The following ZNF582 variants were observed in gnomAD, a reference collection of about 807,000 sequenced individuals.
The protein encoded by ZNF582 is zinc finger protein 582.
In ZNF582, 14 loss-of-function variants were observed where a neutral mutation model predicts 12.3. The ratio of observed to expected loss-of-function variants is 1.14; its 90% CI spans 0.75 to 1.78. ZNF582 has a LOEUF of 1.78. ZNF582 is among the 40% of genes most tolerant of loss of function. The pLI is 0.00. For missense variants in ZNF582, 567 were observed against 616.5 expected, an observed-to-expected ratio of 0.92 and a Z score of 0.85; for synonymous variants, 210 against 207.2, an observed-to-expected ratio of 1.01 and a Z score of -0.11.
chr19:56,383,770 A>G lies in ZNF582; in HGVS notation c.*93T>C, dbSNP rs1359932192. 2.2e-6 allele frequency: 3 copies of G among 1,394,502 alleles called. No homozygotes were observed. The East Asian group carries it at 7.4e-5, about 34-fold the overall frequency. The allele number at this position is 1,394,502 out of a possible 1,614,324, so 86.4% of individuals were successfully genotyped here. ...TGATATGAATTTTCAGACTTAGGATAAAGGCTTACCTCTGAATGAAGGCAT... is the reference window on the plus strand; with the variant it reads ...TGATATGAATTTTCAGACTTAGGATGAAGGCTTACCTCTGAATGAAGGCAT... On this transcript the variant is annotated 3_prime_UTR_variant, in exon 5 of 5. Coordinates refer to ENST00000586929, the Ensembl canonical transcript of ZNF582.
At chr19:56,389,913 G>T in intron 4 of ZNF582, 88 bp downstream of exon 4, 1 of 1,044,312 alleles carries the variant, frequency 9.6e-7, no homozygotes, top group Non-Finnish European at 1.5e-6. Flanking sequence ...GTAGCAACCT[G>T]CAGGGAAGAT....
At chr19:56,387,665 A>G (rs1049275212) in intron 4 of ZNF582, 12 of 152,160 alleles carry the variant, frequency 7.9e-5, no homozygotes, top group Admixed American at 3.9e-4. Context: ...AGGCACAATC[A>G]TATTATACTA....
At position 56,390,505 on chromosome 19, in the gene ZNF582, G is replaced by C; in HGVS notation, c.10-4C>G. 6.2e-7 allele frequency: 1 copy of C among 1,614,038 alleles called. No homozygotes were observed. Among genetic ancestry groups the C allele is most frequent in the Non-Finnish European group, 8.5e-7 (1 of 1,180,022 alleles). The stretch of plus-strand genomic sequence containing the variant: ...CATCCCTGAACAATTCTGACCCCTG[G>C]AATGACAGGCATGTATGATATATAT... On this transcript the variant is annotated splice_polypyrimidine_tract_variant and splice_region_variant and intron_variant, in intron 2 of 4. Coordinates refer to ENST00000586929, the Ensembl canonical transcript of ZNF582.
At chr19:56,393,136 A>C (rs1178556400) in intron 1 of ZNF582, 84 bp downstream of exon 1, 1 of 1,078,454 alleles carries the variant, frequency 9.3e-7, no homozygotes, top group Non-Finnish European at 1.2e-6. Context: ...ATTTCCTCTC[A>C]GATTAAAAAA....
exon 2 of ZNF582, chr19:56,391,775 G>A (rs2042015729): frequency 1.2e-6 from 2 of 1,614,196 alleles, no homozygotes; most frequent in East Asian, 2.2e-5. Context: ...TTCAAGGGCT[G>A]ATAGGTCCTC....
intron 4 of ZNF582, among the ~76,000 whole-genome samples, chr19:56,386,851 A>G (rs1000273150): frequency 1.3e-5 from 2 of 152,222 alleles, no homozygotes; most frequent in African/African-American, 4.8e-5. Flanking sequence ...CCCAGCCTCA[A>G]AGTACTTTTT....
At chr19:56,392,921 T>C (rs929546359) in intron 1 of ZNF582, among the ~76,000 whole-genome samples, 1 of 150,456 alleles carries the variant, frequency 6.6e-6, no homozygotes, top group Non-Finnish European at 1.5e-5. Flanking sequence ...AGCTTTTCCT[T>C]ATTATGACCA....
chr19:56,384,095 T>C (rs1473938569), exon 5 of ZNF582: 2 of 1,612,094 alleles, frequency 1.2e-6, no homozygotes, highest in Admixed American at 3.3e-5. Flanking sequence ...AATAACCTGA[T>C]GATGAATCAA....
intron 4 of ZNF582, chr19:56,386,462 A>T (rs1441233373): frequency 6.6e-6 from 1 of 152,340 alleles, no homozygotes; most frequent in Non-Finnish European, 1.5e-5. Context: ...GACCTTGGAA[A>T]AAGAAGGGCT....
chr19:56,384,891 A>G, exon 5 of ZNF582: 1 of 1,613,386 alleles, frequency 6.2e-7, no homozygotes, highest in South Asian at 1.1e-5. Flanking sequence ...TCTTTTCTAC[A>G]TTTATTATAC....
chr19:56,389,886 A>C, intron 4 of ZNF582, 115 bp downstream of exon 4: 1 of 733,576 alleles, frequency 1.4e-6, no homozygotes, highest in East Asian at 2.6e-5. Context: ...ACAACACGTA[A>C]GACATAAGCT....
intron 4 of ZNF582, among the ~76,000 whole-genome samples, chr19:56,385,688 G>T (rs896853991): frequency 5.5e-5 from 8 of 146,316 alleles, no homozygotes; most frequent in Non-Finnish European, 1.1e-4. Context: ...AAAAAAAAAA[G>T]AGTTGGTGTG....
At chr19:56,393,241 G>T in exon 1 of ZNF582, 2 of 1,252,220 alleles carry the variant, frequency 1.6e-6, no homozygotes, top group Non-Finnish European at 2.0e-6. Context: ...ATGCACCTGG[G>T]CTATGAGGCT....
At chr19:56,384,950 G>A in exon 5 of ZNF582, 1 of 1,614,120 alleles carries the variant, frequency 6.2e-7, no homozygotes, top group Non-Finnish European at 8.5e-7. Flanking sequence ...AGTAAGGGAT[G>A]CATGCTGGTC....
At chr19:56,384,541 G>A (rs2041947600) in exon 5 of ZNF582, 6 of 1,613,746 alleles carry the variant, frequency 3.7e-6, no homozygotes, top group African/African-American at 1.3e-5. Flanking sequence ...AGATCCGATT[G>A]AAGGCCTTGC....
At position 56,389,910 on chromosome 19, in the gene ZNF582, C is replaced by T; in HGVS notation, c.232+91G>A. The T allele has an allele frequency of 3.0e-6, 3 of 1,002,870 alleles. 1 individual carries two copies. In the South Asian group the frequency reaches 4.3e-5, roughly 14 times the overall value. The allele number at this position is 1,002,870 out of a possible 1,614,324, so 62.1% of individuals were successfully genotyped here. ...AAGACATAAGCTTTGAAGGTAGCAA[C>T]CTGCAGGGAAGATCTTCTAAGACAA... On this transcript the variant is annotated intron_variant, in intron 4 of 4. Transcript: ENST00000586929.
intron 2 of ZNF582, among the ~76,000 whole-genome samples, 197 bp downstream of exon 2, chr19:56,391,547 A>T (rs931255666): frequency 2.4e-4 from 37 of 152,220 alleles, no homozygotes; most frequent in Non-Finnish European, 5.1e-4. Context: ...GACGAAAACC[A>T]TCAGGAGATG....
At chr19:56,391,340 C>T (rs1413777361) in intron 2 of ZNF582, among the ~76,000 whole-genome samples, 1 of 152,166 alleles carries the variant, frequency 6.6e-6, no homozygotes, top group Non-Finnish European at 1.5e-5. Flanking sequence ...CCAGCCAAAC[C>T]TCAATTACAT....
At chr19:56,389,941 C>T in intron 4 of ZNF582, 60 bp downstream of exon 4, 1 of 1,387,278 alleles carries the variant, frequency 7.2e-7, no homozygotes, top group South Asian at 1.2e-5. Flanking sequence ...GACAAAGGGC[C>T]ACTTCCAGCG....
Sources: gnomAD v4.1 joint callset for allele counts (sites outside exome capture counted in the v4.1 genomes callset) on GRCh38, gnomAD v4.1.1 for gene constraint, MANE v1.5 for transcripts, NCBI Gene and HGNC (gene_info 2026-07-23, HGNC 2026-07-21) for gene names.